Variants in SCCPDH observed in about 807,000 individuals in gnomAD.
SCCPDH encodes saccharopine dehydrogenase (putative), also known as saccharopine dehydrogenase-like oxidoreductase.
A neutral mutation model predicts 51.5 loss-of-function variants in SCCPDH; 34 were observed. The observed-to-expected ratio is 0.66, with a 90% confidence interval of 0.50 to 0.88. The LOEUF is 0.88. Among genes scored for constraint, SCCPDH ranks in the 40% least tolerant of loss-of-function variants. The pLI, the probability that SCCPDH is intolerant of heterozygous loss-of-function variation, is 0.00. For synonymous variants in SCCPDH, 187 were observed against 191.3 expected (o/e 0.98, Z 0.19); for missense variants, 464 against 527.1 (o/e 0.88, Z 1.17).
At chr1:246,744,250 A>G (rs1668722658) in intron 5 of SCCPDH, 125 bp downstream of exon 5, 3 of 454,508 alleles carry the variant, frequency 6.6e-6, no homozygotes, top group African/African-American at 6.0e-5. Context: ...TAATTTTTAA[A>G]AAGATACATT....
In SCCPDH at chr1:246,724,568, G is replaced by C. The variant is rs565477700; in HGVS notation, c.146G>C (p.Arg49Pro). 7 of 1,533,746 alleles carry C rather than the reference G, an allele frequency of 4.6e-6. No homozygotes were observed. The highest frequency in any genetic ancestry group is 4.3e-5 in the African/African-American group (3 of 70,138). ...CCCTGGGCCGTGGCGGGCCGCTCCC[G>C]GGAGAAGCTGCAGCGGGTGCTGGAG... is the stretch of plus-strand genomic sequence containing the variant. The part of the protein sequence containing the change: ...RLPWAVAGRS[R>P]EKLQRVLEKA... The change falls in exon 1 of 12, where the codon CGG becomes CCG. Residue 49 changes from arginine to proline, a missense_variant. Arg to Pro is a moderately radical substitution (Grantham distance 103). Coordinates refer to ENST00000366510, the MANE Select transcript of SCCPDH (RefSeq NM_016002.3).
intron 1 of SCCPDH, 88 bp downstream of exon 1, chr1:246,724,700 G>C: frequency 8.4e-7 from 1 of 1,195,090 alleles, no homozygotes; most frequent in South Asian, 1.7e-5. Flanking sequence ...CCGCAGGGAT[G>C]CGCCCTACGT....
intron 9 of SCCPDH, among the ~76,000 whole-genome samples, chr1:246,760,814 A>G (rs1197773940): frequency 6.6e-6 from 1 of 152,192 alleles, no homozygotes; most frequent in Non-Finnish European, 1.5e-5. Flanking sequence ...GGTAGCAGCA[A>G]GTTCCCGTTT....
intron 5 of SCCPDH, among the ~76,000 whole-genome samples, chr1:246,751,817 A>G (rs557501548): frequency 7.2e-6 from 1 of 138,424 alleles, no homozygotes; most frequent in Non-Finnish European, 1.5e-5. Flanking sequence ...TCTGTCGCCC[A>G]GGCTGGAGTG....
intron 5 of SCCPDH, among the ~76,000 whole-genome samples, chr1:246,751,467 G>A (rs1005510636): frequency 2.0e-5 from 3 of 152,118 alleles, no homozygotes; most frequent in African/African-American, 4.8e-5. Context: ...ACCTTTTAAT[G>A]TAGGTAAAAA....
intron 5 of SCCPDH, among the ~76,000 whole-genome samples, chr1:246,747,849 G>A (rs1321989353): frequency 6.6e-6 from 1 of 152,200 alleles, no homozygotes; most frequent in Non-Finnish European, 1.5e-5. Flanking sequence ...TAGAGGCTAG[G>A]AGGGGGTTGT....
chr1:246,762,211 G>T (rs1034529838), intron 9 of SCCPDH, among the ~76,000 whole-genome samples: 1 of 152,148 alleles, frequency 6.6e-6, no homozygotes, highest in African/African-American at 2.4e-5. Context: ...TTTGACAGAA[G>T]ATTCATATCC....
At position 246,759,120 on chromosome 1, in the gene SCCPDH, G is replaced by A. The variant is rs139887365; in HGVS notation, c.782G>A (p.Arg261His). The A allele has an allele frequency of 3.3e-4, 523 of 1,597,300 alleles. No individual in the cohort carries two copies. In the African/African-American group the frequency reaches 6.3e-3, roughly 19 times the overall value. ...SDVSVVRRTQ[R>H]YLYENLEESP... Reference sequence around the variant, plus strand: ...GTGTCTGTTGTAAGGAGGACTCAACGTTACTTGTATGAAAATTTAGAGGAA... The same window carrying A: ...GTGTCTGTTGTAAGGAGGACTCAACATTACTTGTATGAAAATTTAGAGGAA... Residue 261 changes from arginine to histidine, a missense_variant, in exon 7 of 12, where the codon CGT becomes CAT. By Grantham distance (29) the Arg-to-His change is conservative. Transcript: ENST00000366510.
chr1:246,734,856 A>G (rs1668544719), intron 2 of SCCPDH, among the ~76,000 whole-genome samples: 1 of 152,244 alleles, frequency 6.6e-6, no homozygotes, highest in Non-Finnish European at 1.5e-5. Context: ...ATTAGCTTTT[A>G]CATATGAAAA....
At chr1:246,727,890 A>G (rs1668426275) in intron 2 of SCCPDH, among the ~76,000 whole-genome samples, 1 of 151,874 alleles carries the variant, frequency 6.6e-6, no homozygotes, top group South Asian at 2.1e-4. Flanking sequence ...CAGGATGTGG[A>G]TTTTTTTTCC....
chr1:246,754,204 C>T (rs1331345806), intron 5 of SCCPDH, among the ~76,000 whole-genome samples: 3 of 152,062 alleles, frequency 2.0e-5, no homozygotes, highest in African/African-American at 7.2e-5. Context: ...TTACCTTGGT[C>T]TGTGCACAGA....
At chr1:246,726,092 C>T (rs750830527) in intron 1 of SCCPDH, among the ~76,000 whole-genome samples, 3 of 152,096 alleles carry the variant, frequency 2.0e-5, no homozygotes, top group Admixed American at 6.5e-5. Context: ...CTGCTGACCT[C>T]GTGATCCACC....
intron 5 of SCCPDH, among the ~76,000 whole-genome samples, chr1:246,757,754 G>T (rs1042582759): frequency 6.6e-6 from 1 of 152,208 alleles, no homozygotes; most frequent in Non-Finnish European, 1.5e-5. Context: ...GGAACCAGGT[G>T]TAACAGGATG....
At chr1:246,766,414 C>A (rs1669087965) in intron 11 of SCCPDH, among the ~76,000 whole-genome samples, 1 of 152,126 alleles carries the variant, frequency 6.6e-6, no homozygotes, top group Non-Finnish European at 1.5e-5. Context: ...TACCTCAAGT[C>A]CAGAGTCAGC....
intron 10 of SCCPDH, 131 bp from the exon 11 acceptor site, chr1:246,765,927 T>C: frequency 1.6e-6 from 1 of 641,338 alleles, no homozygotes; most frequent in South Asian, 1.9e-5. Context: ...TTTTGTTAAG[T>C]GACCAGAGTA....
At chr1:246,738,629 TG>T (rs1370912767) in intron 3 of SCCPDH, among the ~76,000 whole-genome samples, 2 of 151,954 alleles carry the variant, frequency 1.3e-5, no homozygotes. Flanking sequence ...CCGAGGCACG[TG>T]GATCACCTGA....
At chr1:246,735,174 T>C (rs1056097258) in intron 2 of SCCPDH, among the ~76,000 whole-genome samples, 12 of 152,198 alleles carry the variant, frequency 7.9e-5, no homozygotes, top group Non-Finnish European at 1.5e-5. Flanking sequence ...CCAAGTAAAC[T>C]AGAAAGGATA....
At chr1:246,728,676 T>C (rs1361702527) in intron 2 of SCCPDH, among the ~76,000 whole-genome samples, 1 of 152,208 alleles carries the variant, frequency 6.6e-6, no homozygotes, top group Non-Finnish European at 1.5e-5. Flanking sequence ...TATCTGATTT[T>C]ATTTTTCTTT....
At chr1:246,749,738 C>T (rs1189888376) in intron 5 of SCCPDH, among the ~76,000 whole-genome samples, 1 of 152,192 alleles carries the variant, frequency 6.6e-6, no homozygotes, top group African/African-American at 2.4e-5. Flanking sequence ...GGACAAGATT[C>T]CCAGTTCATA....
Sources: gnomAD v4.1 joint callset for allele counts (sites outside exome capture counted in the v4.1 genomes callset) on GRCh38, gnomAD v4.1.1 for gene constraint, MANE v1.5 for transcripts, NCBI Gene and HGNC (gene_info 2026-07-23, HGNC 2026-07-21) for gene names.